The following DPP6 variants were observed in gnomAD, a reference collection of about 807,000 sequenced individuals.
DPP6 encodes the protein dipeptidyl peptidase like 6.
In DPP6, 69 loss-of-function variants were observed where a neutral mutation model predicts 122.6. The observed-to-expected ratio is 0.56, with a 90% confidence interval of 0.46 to 0.69. DPP6 has a LOEUF of 0.69. DPP6 is among the 30% of genes least tolerant of loss of function. DPP6 has a pLI of 0.00. For missense variants in DPP6, 928 were observed against 1,116.9 expected (o/e 0.83, Z 2.41); for synonymous variants, 418 against 433.1 (o/e 0.97, Z 0.43).
At chr7:154,840,300 A>G (rs758278747) in intron 16 of DPP6, among the ~76,000 whole-genome samples, 1 of 152,186 alleles carries the variant, frequency 6.6e-6, no homozygotes, top group Non-Finnish European at 1.5e-5. Context: ...ACATTCCTCC[A>G]TTCTGCTGTC....
chr7:154,736,836 A>G lies in DPP6; in HGVS notation c.883+8949A>G, dbSNP rs149638854. Among the ~76,000 whole-genome samples the G allele has an allele frequency of 1.8e-4, 27 of 152,370 alleles. No homozygotes were observed. The East Asian group carries it at 4.6e-3, about 26-fold the overall frequency. On this transcript the variant is annotated intron_variant, in intron 8 of 25. Transcript: ENST00000377770. The stretch of plus-strand genomic sequence containing the variant: ...TTAATTCACAGAGAGAAACTCACAT[A>G]TTCTAGGAACCTCCACAAGGAAATC...
At chr7:153,894,439 G>C (rs7810286) in intron 1 of DPP6, among the ~76,000 whole-genome samples, 2,191 of 152,248 alleles carry the variant, frequency 0.014, 59 homozygotes, top group African/African-American at 0.051. Context: ...GCAGAACCAA[G>C]CAGAATTCCC....
intron 1 of DPP6, among the ~76,000 whole-genome samples, chr7:154,416,986 C>T (rs1374979586): frequency 6.6e-6 from 1 of 152,188 alleles, no homozygotes; most frequent in African/African-American, 2.4e-5. Context: ...CCTTGCTTAC[C>T]AAGGCCTTTT....
chr7:154,367,702 C>A (rs180721919), intron 1 of DPP6, among the ~76,000 whole-genome samples: 1 of 152,150 alleles, frequency 6.6e-6, no homozygotes, highest in Non-Finnish European at 1.5e-5. Context: ...GAAGAGGAAA[C>A]AATTAGAAAT....
chr7:154,029,628 T>C (rs1184446967), intron 1 of DPP6, among the ~76,000 whole-genome samples: 40 of 126,668 alleles, frequency 3.2e-4, no homozygotes, highest in Middle Eastern at 0.015. Context: ...AGGTGGATCA[T>C]GAGGTCAGGA....
intron 5 of DPP6, among the ~76,000 whole-genome samples, chr7:154,623,576 C>T (rs546697588): frequency 1.9e-4 from 12 of 64,138 alleles, no homozygotes; most frequent in East Asian, 1.3e-3. Flanking sequence ...CACACACACA[C>T]GCACGCACAC....
intron 1 of DPP6, among the ~76,000 whole-genome samples, chr7:154,429,180 T>TAAAAAA (rs34365501): frequency 0.018 from 2,570 of 146,124 alleles, 92 homozygotes; most frequent in East Asian, 0.15. Flanking sequence ...CTTAATCTGT[T>TAAAAAA]AAAAAAAAAA....
chr7:153,810,670 TC>T, the DPP6 span, among the ~76,000 whole-genome samples: 3 of 101,822 alleles, frequency 2.9e-5, no homozygotes, highest in East Asian at 5.4e-4. Context: ...CCTCTCTCTC[TC>T]CTCTCTCTCT....
chr7:153,966,554 C>CT (rs753840054), intron 1 of DPP6, among the ~76,000 whole-genome samples: 436 of 41,250 alleles, frequency 0.011, 5 homozygotes, highest in Non-Finnish European at 0.012. Context: ...CCTGTGTTGG[C>CT]TTTTTTTTTT....
chr7:154,318,852 C>T (rs1455532473), intron 1 of DPP6, among the ~76,000 whole-genome samples: 1 of 152,142 alleles, frequency 6.6e-6, no homozygotes, highest in African/African-American at 2.4e-5. Context: ...GAAACAGCTT[C>T]GGAGAACCTG....
chr7:154,879,132 C>T (rs1307856447), intron 20 of DPP6, among the ~76,000 whole-genome samples: 1 of 152,198 alleles, frequency 6.6e-6, no homozygotes, highest in East Asian at 1.9e-4. Flanking sequence ...ATTGCCTTCT[C>T]ACAGGTTCCC....
intron 2 of DPP6, among the ~76,000 whole-genome samples, chr7:154,464,004 T>A (rs1487276317): frequency 6.6e-6 from 1 of 152,184 alleles, no homozygotes; most frequent in African/African-American, 2.4e-5. Context: ...GTACTGGCTC[T>A]GAGCCAAGAA....
the DPP6 span, among the ~76,000 whole-genome samples, chr7:153,859,877 TATC>T: frequency 2.0e-5 from 3 of 152,040 alleles, no homozygotes; most frequent in African/African-American, 7.2e-5. Context: ...ACTCACTCAA[TATC>T]ATGAGAACAG....
chr7:154,360,363 T>C (rs574422373), intron 1 of DPP6, among the ~76,000 whole-genome samples: 7 of 152,270 alleles, frequency 4.6e-5, no homozygotes, highest in Middle Eastern at 3.4e-3. Flanking sequence ...CTTCCTTCAA[T>C]TTCTTCCTTT....
intron 1 of DPP6, among the ~76,000 whole-genome samples, chr7:153,908,794 G>A (rs548187032): frequency 1.1e-4 from 17 of 151,830 alleles, no homozygotes; most frequent in South Asian, 1.0e-3. Flanking sequence ...TTGCTCTGTC[G>A]CCCAGGCTGG....
At chr7:154,659,390 G>T (rs1030656458) in intron 6 of DPP6, among the ~76,000 whole-genome samples, 1 of 152,066 alleles carries the variant, frequency 6.6e-6, no homozygotes, top group African/African-American at 2.4e-5. Flanking sequence ...GAAGGGTTAA[G>T]GGAACACACA....
At chr7:154,037,237 C>T (rs1322192809) in intron 1 of DPP6, among the ~76,000 whole-genome samples, 1 of 152,272 alleles carries the variant, frequency 6.6e-6, no homozygotes, top group African/African-American at 2.4e-5. Flanking sequence ...CTGCGAGGCA[C>T]ATGGGAGAAA....
rs191315518 is a variant in DPP6 at position 154,157,785 on chromosome 7, T to C, written c.243+104722T>C. Among the ~76,000 whole-genome samples the C allele has an allele frequency of 6.9e-3, 1,044 of 151,752 alleles. 13 individuals carry two copies. Among genetic ancestry groups the C allele is most frequent in the African/African-American group, 0.024 (1,003 of 41,370 alleles). ...TCCGTCTCTACTAAAAATGCAAAATTAGCTGGGCGTGGTGGCACATGCCTG... is the reference window on the plus strand; with the variant it reads ...TCCGTCTCTACTAAAAATGCAAAATCAGCTGGGCGTGGTGGCACATGCCTG... On this transcript the variant is annotated intron_variant, in intron 1 of 25. Transcript: ENST00000377770.
In DPP6 at chr7:154,804,982, TG is replaced by T; in HGVS notation, c.1547+19del. ...CTCTACAGGTAACTCCTGCTCCCCC[TG>T]CACACAGGGCTCTCCCCCTTAGGAG... On this transcript the variant is annotated intron_variant, in intron 15 of 25. Transcript: ENST00000377770. 3 of 1,589,856 alleles carry T rather than the reference TG, an allele frequency of 1.9e-6. No homozygotes were observed. The highest frequency in any genetic ancestry group is 2.6e-6 in the Non-Finnish European group (3 of 1,167,218).
Sources: allele counts gnomAD v4.1 joint callset (sites outside exome capture counted in the v4.1 genomes callset), GRCh38; gene constraint gnomAD v4.1.1; transcripts MANE v1.5; gene names NCBI Gene and HGNC (gene_info 2026-07-23, HGNC 2026-07-21).